WWOX: variants seen among roughly 807,000 people sequenced by gnomAD.
WWOX encodes WW domain containing oxidoreductase.
A neutral mutation model predicts 46.2 loss-of-function variants in WWOX; 69 were observed. That is an observed-to-expected ratio of 1.49 (90% CI 1.23 to 1.82). WWOX has a LOEUF of 1.82. WWOX is among the 40% of genes most tolerant of loss of function. WWOX has a pLI of 0.00. For missense variants in WWOX, 919 were observed against 542.6 expected, an observed-to-expected ratio of 1.69 and a Z score of -6.89; for synonymous variants, 359 against 202.6, an observed-to-expected ratio of 1.77 and a Z score of -6.56.
At chr16:78,938,415 G>C (rs1466258477) in intron 8 of WWOX, among the ~76,000 whole-genome samples, 1 of 151,952 alleles carries the variant, frequency 6.6e-6, no homozygotes, top group East Asian at 1.9e-4. Flanking sequence ...CAGACACAGA[G>C]AGCTTGAGGA....
chr16:78,905,285 C>G (rs534329093), intron 8 of WWOX, among the ~76,000 whole-genome samples: 1 of 152,214 alleles, frequency 6.6e-6, no homozygotes, highest in Non-Finnish European at 1.5e-5. Context: ...TGAGCCCACA[C>G]ATATTTACTT....
chr16:78,418,099 G>A (rs1305825168), intron 6 of WWOX, among the ~76,000 whole-genome samples: 2 of 152,156 alleles, frequency 1.3e-5, no homozygotes, highest in Non-Finnish European at 1.5e-5. Context: ...GGTGGCTCAC[G>A]CCTGTAATCC....
At chr16:79,055,050 C>T (rs557092460) in intron 8 of WWOX, among the ~76,000 whole-genome samples, 1 of 152,212 alleles carries the variant, frequency 6.6e-6, no homozygotes, top group Middle Eastern at 3.4e-3. Context: ...TATATTTCGT[C>T]AGAGACCTAA....
intron 8 of WWOX, among the ~76,000 whole-genome samples, chr16:78,717,022 G>C (rs1046004488): frequency 3.3e-5 from 5 of 152,160 alleles, no homozygotes; most frequent in African/African-American, 1.2e-4. Context: ...GGTTGTCTGT[G>C]AGGACAACAG....
rs528293412 is a variant in WWOX at position 78,587,193 on chromosome 16, C to CTTTT, written c.1056+154461_1056+154464dup. 7.8e-3 allele frequency among the ~76,000 whole-genome samples: 877 copies of CTTTT among 112,802 alleles called. 13 individuals carry two copies. Among genetic ancestry groups the CTTTT allele is most frequent in the African/African-American group, 0.018 (543 of 29,426 alleles). The allele number at this position is 112,802 out of a possible 152,430, so 74.0% of individuals were successfully genotyped here. ...AGCAGATGCCACCATGCCTGGCTAA[C>CTTTT]TTTTTTTTTTTTTTTTTTTTTTTGT... is the stretch of plus-strand genomic sequence containing the variant. On this transcript the variant is annotated intron_variant, in intron 8 of 8. Coordinates refer to ENST00000566780, the MANE Select transcript of WWOX (RefSeq NM_016373.4).
At position 79,159,218 on chromosome 16, in the gene WWOX, T is replaced by C. The variant is rs62040670; in HGVS notation, c.1057-52390T>C. On this transcript the variant is annotated intron_variant, in intron 8 of 8. Transcript: ENST00000566780. ...CACTGTAGTAATAGACTAATCTCAA[T>C]TACCAGGGCAGCCTCTGAAACCCTC... Among the ~76,000 whole-genome samples, 1,446 of 152,324 alleles carry C rather than the reference T, an allele frequency of 9.5e-3. 10 individuals are homozygous for C. Among genetic ancestry groups the C allele is most frequent in the South Asian group, 0.013 (63 of 4,824 alleles).
Position 79,185,834 on chromosome 16 carries a change from C to T in WWOX, c.1057-25774C>T, listed in dbSNP as rs2051002479. Among the ~76,000 whole-genome samples, 3 of 152,050 alleles carry T rather than the reference C, an allele frequency of 2.0e-5. No homozygotes were observed. The South Asian group carries it at 6.2e-4, about 32-fold the overall frequency. ...ACACTGCCTAGTGTGAGAAGGGACT[C>T]ATCTGTTTTCTAGGAAGTACTATAA... On this transcript the variant is annotated intron_variant, in intron 8 of 8. Coordinates refer to ENST00000566780, the MANE Select transcript of WWOX (RefSeq NM_016373.4).
At chr16:78,917,914 C>A (rs547093435) in intron 8 of WWOX, among the ~76,000 whole-genome samples, 1 of 152,128 alleles carries the variant, frequency 6.6e-6, no homozygotes, top group African/African-American at 2.4e-5. Context: ...AAGAAATTGT[C>A]ATATAGGCTG....
intron 5 of WWOX, among the ~76,000 whole-genome samples, chr16:78,216,318 A>T (rs2036719393): frequency 6.6e-6 from 1 of 152,186 alleles, no homozygotes; most frequent in South Asian, 2.1e-4. Context: ...AGGTTAGAAA[A>T]CCAGTGGACT....
At chr16:78,883,723 C>CA (rs202124516) in intron 8 of WWOX, among the ~76,000 whole-genome samples, 4,498 of 119,908 alleles carry the variant, frequency 0.038, 136 homozygotes, top group Admixed American at 0.12. Context: ...GACTCTGTCT[C>CA]AAAAAAAAAA....
At chr16:78,595,487 C>G (rs967388633) in intron 8 of WWOX, among the ~76,000 whole-genome samples, 1 of 152,212 alleles carries the variant, frequency 6.6e-6, no homozygotes, top group African/African-American at 2.4e-5. Context: ...AACATACTCA[C>G]TCATGACTTC....
chr16:78,958,645 A>G (rs10871358), intron 8 of WWOX, among the ~76,000 whole-genome samples: 80,763 of 152,090 alleles, frequency 0.53, 22,170 homozygotes, highest in East Asian at 0.91. Flanking sequence ...AGTGTGGTAC[A>G]ACAAAGGTTT....
chr16:78,931,414 G>A (rs1016416748), intron 8 of WWOX, among the ~76,000 whole-genome samples: 9 of 152,204 alleles, frequency 5.9e-5, no homozygotes, highest in African/African-American at 2.2e-4. Context: ...AGAATGGGAA[G>A]TCCTCAGCAC....
chr16:78,519,045 T>G (rs548452150), intron 8 of WWOX, among the ~76,000 whole-genome samples: 11 of 152,344 alleles, frequency 7.2e-5, no homozygotes, highest in Admixed American at 7.2e-4. Context: ...GCTGTTTTTC[T>G]AATTTAATCT....
intron 8 of WWOX, among the ~76,000 whole-genome samples, chr16:78,610,600 G>C (rs1457144873): frequency 1.3e-5 from 2 of 152,036 alleles, no homozygotes; most frequent in East Asian, 1.9e-4. Context: ...TAGTCTCTCT[G>C]TGTGAGTTCT....
chr16:79,148,006 T>G (rs907882581), intron 8 of WWOX, among the ~76,000 whole-genome samples: 1 of 152,238 alleles, frequency 6.6e-6, no homozygotes, highest in Admixed American at 6.5e-5. Flanking sequence ...TGCAAATATC[T>G]TCTCTCAATC....
chr16:78,115,000 C>T lies in WWOX; in HGVS notation c.255C>T (p.Tyr85=). 2.5e-6 allele frequency: 4 copies of T among 1,614,240 alleles called. No homozygotes were observed. Among genetic ancestry groups the T allele is most frequent in the Non-Finnish European group, 3.4e-6 (4 of 1,180,050 alleles). ...FVDHINKRTT[Y]LDPRLAFTVD... ...GCCATATAAATAAAAGAACCACCTA[C>T]TTGGACCCAAGACTGGCGTTTACTG... The change falls in exon 4 of 9, where the codon TAC becomes TAT. Residue 85 remains tyrosine, a synonymous_variant. Transcript: ENST00000566780.
intron 4 of WWOX, among the ~76,000 whole-genome samples, chr16:78,131,044 C>G (rs1356817143): frequency 6.6e-6 from 1 of 152,208 alleles, no homozygotes; most frequent in Non-Finnish European, 1.5e-5. Context: ...GCAGTCATAA[C>G]ACAATGGTAA....
chr16:78,720,545 A>G (rs2142350943), intron 8 of WWOX, among the ~76,000 whole-genome samples: 1 of 151,022 alleles, frequency 6.6e-6, no homozygotes, highest in Admixed American at 6.6e-5. Context: ...AGGATTTTAT[A>G]TCATAATGTG....
Sources: gnomAD v4.1 joint callset for allele counts (sites outside exome capture counted in the v4.1 genomes callset) on GRCh38, gnomAD v4.1.1 for gene constraint, MANE v1.5 for transcripts, NCBI Gene and HGNC (gene_info 2026-07-23, HGNC 2026-07-21) for gene names.